The following ZFAND3 variants were observed in gnomAD, a reference collection of about 807,000 sequenced individuals.
ZFAND3 encodes AN1-type zinc finger protein 3.
Under a neutral mutation model 29.6 loss-of-function variants are expected in ZFAND3, and 10 were observed. That is an observed-to-expected ratio of 0.34 (90% CI 0.21 to 0.57). ZFAND3 has a LOEUF of 0.57. ZFAND3 is among the 20% of genes least tolerant of loss of function. ZFAND3 has a pLI of 0.86. For missense variants in ZFAND3, 230 were observed against 304.5 expected, an observed-to-expected ratio of 0.76 and a Z score of 1.82; for synonymous variants, 128 against 112.6, an observed-to-expected ratio of 1.14 and a Z score of -0.87.
At chr6:37,851,068 G>C (rs1235699750) in intron 1 of ZFAND3, among the ~76,000 whole-genome samples, 1 of 147,550 alleles carries the variant, frequency 6.8e-6, no homozygotes, top group Non-Finnish European at 1.5e-5. Flanking sequence ...TCTTTTTTGA[G>C]ACAGTGTCTC....
At chr6:38,050,790 TATAAC>T (rs1764011973) in intron 2 of ZFAND3, among the ~76,000 whole-genome samples, 1 of 152,340 alleles carries the variant, frequency 6.6e-6, no homozygotes, top group South Asian at 2.1e-4. Flanking sequence ...ATTCTTAAAA[TATAAC>T]ATATTGTATT....
chr6:37,885,951 G>A (rs376413645), intron 1 of ZFAND3, among the ~76,000 whole-genome samples: 2 of 151,690 alleles, frequency 1.3e-5, no homozygotes, highest in African/African-American at 2.4e-5. Flanking sequence ...TTTTAAGTTC[G>A]AACAGGCCAG....
intron 3 of ZFAND3, among the ~76,000 whole-genome samples, chr6:38,079,111 A>G (rs1320927272): frequency 2.0e-5 from 3 of 152,196 alleles, no homozygotes; most frequent in Non-Finnish European, 2.9e-5. Context: ...TGACAGCGCA[A>G]TTAGTGTAGA....
At chr6:38,013,834 C>G (rs1280132937) in intron 2 of ZFAND3, among the ~76,000 whole-genome samples, 1 of 152,130 alleles carries the variant, frequency 6.6e-6, no homozygotes, top group Non-Finnish European at 1.5e-5. Context: ...AAAAGACACC[C>G]CATGTTATTT....
At chr6:37,937,696 C>A in intron 2 of ZFAND3, among the ~76,000 whole-genome samples, 1 of 148,560 alleles carries the variant, frequency 6.7e-6, no homozygotes, top group Admixed American at 6.7e-5. Flanking sequence ...AACTGCTGCT[C>A]TTAAGACGAA....
intron 2 of ZFAND3, among the ~76,000 whole-genome samples, chr6:38,039,528 C>G (rs933229151): frequency 2.0e-5 from 3 of 152,026 alleles, no homozygotes; most frequent in South Asian, 2.1e-4. Context: ...GAGTAGTAGT[C>G]AGAAGATAAA....
chr6:37,843,681 A>G (rs767360665), intron 1 of ZFAND3, among the ~76,000 whole-genome samples: 3 of 152,128 alleles, frequency 2.0e-5, no homozygotes, highest in Non-Finnish European at 2.9e-5. Flanking sequence ...TTTTGCAATT[A>G]CTCAGCATTT....
At position 38,071,486 on chromosome 6, in the gene ZFAND3, A is replaced by C. The variant is rs188492085; in HGVS notation, c.295+9711A>C. ...TTGAATAGTCCTAGTTTAAAATGCT[A>C]ATACTATTACATAAAGACATAGATC... is the stretch of plus-strand genomic sequence containing the variant. On this transcript the variant is annotated intron_variant, in intron 3 of 5. Transcript: ENST00000287218. Among the ~76,000 whole-genome samples the C allele has an allele frequency of 3.6e-3, 555 of 152,202 alleles. 2 individuals are homozygous for C. Among genetic ancestry groups the C allele is most frequent in the Non-Finnish European group, 5.6e-3 (384 of 67,994 alleles).
intron 1 of ZFAND3, among the ~76,000 whole-genome samples, chr6:37,874,222 A>C (rs2127389179): frequency 6.6e-6 from 1 of 152,016 alleles, no homozygotes; most frequent in Middle Eastern, 3.4e-3. Context: ...CTGTGTACTA[A>C]TTTCCCTTTT....
chr6:37,871,026 C>T (rs1029027645), intron 1 of ZFAND3, among the ~76,000 whole-genome samples: 5 of 152,140 alleles, frequency 3.3e-5, no homozygotes, highest in Admixed American at 6.5e-5. Flanking sequence ...TCTTGTACTC[C>T]GTTTGGGAAA....
At chr6:37,898,083 A>G (rs546968302) in intron 1 of ZFAND3, among the ~76,000 whole-genome samples, 2 of 151,306 alleles carry the variant, frequency 1.3e-5, no homozygotes, top group African/African-American at 4.9e-5. Context: ...TGTGGTCAGG[A>G]CTCTTTGTGT....
At chr6:38,075,363 A>AT (rs2127468491) in intron 3 of ZFAND3, among the ~76,000 whole-genome samples, 1 of 152,300 alleles carries the variant, frequency 6.6e-6, no homozygotes, top group East Asian at 1.9e-4. Flanking sequence ...CTCATGGATG[A>AT]TTTTGAGGGG....
At chr6:37,895,042 T>C (rs1581741425) in intron 1 of ZFAND3, among the ~76,000 whole-genome samples, 1 of 152,160 alleles carries the variant, frequency 6.6e-6, no homozygotes, top group South Asian at 2.1e-4. Flanking sequence ...AAAGGGCTTA[T>C]TATGTTTCCA....
intron 2 of ZFAND3, among the ~76,000 whole-genome samples, chr6:38,001,010 A>G (rs151337495): frequency 6.6e-6 from 1 of 152,210 alleles, no homozygotes; most frequent in East Asian, 1.9e-4. Context: ...CCTCTGATGC[A>G]CTGAATAAAG....
intron 2 of ZFAND3, among the ~76,000 whole-genome samples, chr6:37,969,453 A>G (rs748735393): frequency 4.9e-4 from 74 of 152,352 alleles, no homozygotes; most frequent in Middle Eastern, 3.4e-3. Flanking sequence ...CTGACAGCCT[A>G]TAGTCGGGCA....
chr6:38,105,654 T>G (rs1320483207), intron 4 of ZFAND3, among the ~76,000 whole-genome samples: 1 of 152,148 alleles, frequency 6.6e-6, no homozygotes, highest in African/African-American at 2.4e-5. Context: ...CATATCAGTA[T>G]CTTGGTTGTG....
At chr6:38,087,162 G>A (rs1368017880) in intron 4 of ZFAND3, among the ~76,000 whole-genome samples, 1 of 152,130 alleles carries the variant, frequency 6.6e-6, no homozygotes, top group Non-Finnish European at 1.5e-5. Context: ...CTAGACCCCT[G>A]TCTCTCTCCA....
At chr6:38,016,018 A>G (rs1256587164) in intron 2 of ZFAND3, among the ~76,000 whole-genome samples, 1 of 152,268 alleles carries the variant, frequency 6.6e-6, no homozygotes, top group Non-Finnish European at 1.5e-5. Context: ...GTATGTTTAT[A>G]ATGGGCCATA....
Position 38,152,882 on chromosome 6 carries a change from C to A in ZFAND3, c.*493C>A. ...ACCTGATGGCCACGTGTGCCTTGGC[C>A]ACGGGAGGCTGCTGAGATTGGCCAC... On this transcript the variant is annotated 3_prime_UTR_variant, in exon 6 of 6. Transcript: ENST00000287218. 1.0e-6 allele frequency: 1 copy of A among 985,928 alleles called. No individual in the cohort carries two copies. The highest frequency in any genetic ancestry group is 4.7e-5 in the South Asian group (1 of 21,286). The allele number at this position is 985,928 out of a possible 1,614,324, so 61.1% of individuals were successfully genotyped here.
Sources: gnomAD v4.1 joint callset for allele counts (sites outside exome capture counted in the v4.1 genomes callset) on GRCh38, gnomAD v4.1.1 for gene constraint, MANE v1.5 for transcripts, NCBI Gene and HGNC (gene_info 2026-07-23, HGNC 2026-07-21) for gene names.